The following APBB1IP variants were observed in gnomAD, a reference collection of about 807,000 sequenced individuals.
APBB1IP encodes the protein amyloid beta precursor protein binding family B member 1 interacting protein.
Under a neutral mutation model 64.9 loss-of-function variants are expected in APBB1IP, and 27 were observed. That is an observed-to-expected ratio of 0.42 (90% CI 0.31 to 0.57). The LOEUF (loss-of-function observed/expected upper bound fraction) is 0.57, where lower values mean the gene tolerates loss of function less well. Ranked by LOEUF, APBB1IP falls within the 20% of genes least tolerant of loss-of-function variation. The probability of loss-of-function intolerance (pLI) is 0.20; values close to 1 mark genes in which losing one functional copy is unlikely to be tolerated. For synonymous variants in APBB1IP, 392 were observed against 331.0 expected (o/e 1.18, Z -2.00); for missense variants, 812 against 845.5 (o/e 0.96, Z 0.49).
intron 2 of APBB1IP, among the ~76,000 whole-genome samples, chr10:26,489,870 C>T (rs139962879): frequency 1.0e-3 from 158 of 152,158 alleles, no homozygotes; most frequent in East Asian, 4.1e-3. Context: ...ACTAAAAATA[C>T]GAAAATTAGC....
intron 11 of APBB1IP, among the ~76,000 whole-genome samples, chr10:26,552,687 C>T (rs1836846687): frequency 1.3e-5 from 2 of 152,114 alleles, no homozygotes; most frequent in South Asian, 4.1e-4. Flanking sequence ...TGAATCGTCC[C>T]AGTTTACTTC....
intron 2 of APBB1IP, among the ~76,000 whole-genome samples, chr10:26,441,795 A>C (rs1431353841): frequency 6.6e-6 from 1 of 152,182 alleles, no homozygotes; most frequent in East Asian, 1.9e-4. Flanking sequence ...ATAATTAAGA[A>C]TCATAAGAGC....
rs776567921 is a variant in APBB1IP at position 26,545,769 on chromosome 10, AC to A, written c.1155+4078del. ...AGCGAGACTCCGTCTCAAAAAAAAA[AC>A]AAACAAACAAACAAAAAAAAACCAC... On this transcript the variant is annotated intron_variant, in intron 11 of 14. Transcript: ENST00000376236. Among the ~76,000 whole-genome samples, 18 of 71,988 alleles carry A rather than the reference AC, an allele frequency of 2.5e-4. 1 individual carries two copies. The highest frequency in any genetic ancestry group is 3.9e-4 in the South Asian group (1 of 2,566). 47.2% of individuals were successfully genotyped at this position (71,988 alleles called of 152,430 possible).
intron 2 of APBB1IP, among the ~76,000 whole-genome samples, chr10:26,477,678 A>G (rs1835790976): frequency 1.3e-5 from 2 of 152,212 alleles, no homozygotes; most frequent in Admixed American, 6.5e-5. Flanking sequence ...ACAAAACACA[A>G]AGGCGAATAA....
Position 26,503,215 on chromosome 10 carries a change from G to A in APBB1IP, c.472G>A (p.Ala158Thr), listed in dbSNP as rs113442503. 4.6e-3 allele frequency: 7,468 copies of A among 1,614,096 alleles called. 27 individuals carry two copies. The highest frequency in any genetic ancestry group is 5.4e-3 in the Non-Finnish European group (6,396 of 1,179,996). ...TTTCCAGGAAGAGGAAGAAGCCCAA[G>A]CCAAGGCTGATAAAATTAAGCTGGC... ...PLSQEEEEAQ[A>T]KADKIKLALE... Residue 158 changes from alanine to threonine, a missense_variant, in exon 6 of 15, where the codon GCC becomes ACC. Ala to Thr is a moderately conservative substitution (Grantham distance 58). This residue lies in a region of APBB1IP where 394 missense variants were observed against 413.1 expected (regional missense o/e 0.95). Coordinates refer to ENST00000376236, the MANE Select transcript of APBB1IP (RefSeq NM_019043.4).
chr10:26,507,775 G>A (rs956093418), intron 6 of APBB1IP, among the ~76,000 whole-genome samples: 1 of 152,216 alleles, frequency 6.6e-6, no homozygotes, highest in African/African-American at 2.4e-5. Context: ...TTCAGAAGGG[G>A]AAATGAAAAG....
chr10:26,466,324 C>A (rs550782556), intron 2 of APBB1IP, among the ~76,000 whole-genome samples: 1 of 152,274 alleles, frequency 6.6e-6, no homozygotes, highest in Non-Finnish European at 1.5e-5. Flanking sequence ...CCACAGCCAT[C>A]ACAAGGCTGG....
intron 2 of APBB1IP, among the ~76,000 whole-genome samples, chr10:26,463,279 A>C (rs1042024073): frequency 2.0e-5 from 3 of 152,092 alleles, no homozygotes; most frequent in African/African-American, 4.8e-5. Flanking sequence ...CTTTACCAAA[A>C]AATTCAAAAA....
rs537656715 is a variant in APBB1IP at position 26,444,093 on chromosome 10, G to A, written c.-1+5240G>A. On this transcript the variant is annotated intron_variant, in intron 2 of 14. Coordinates refer to ENST00000376236, the MANE Select transcript of APBB1IP (RefSeq NM_019043.4). Reference sequence around the variant, plus strand: ...AGGCTGGGCCCTTTCGTTTGCAGGAGACAATGGAGTTAACCAAGTGGCTAT... The same window carrying A: ...AGGCTGGGCCCTTTCGTTTGCAGGAAACAATGGAGTTAACCAAGTGGCTAT... Among the ~76,000 whole-genome samples the A allele has an allele frequency of 3.5e-4, 54 of 152,296 alleles. No individual in the cohort carries two copies. In the Middle Eastern group the frequency reaches 0.014, roughly 38 times the overall value.
chr10:26,518,476 T>C (rs1425967246), intron 8 of APBB1IP, among the ~76,000 whole-genome samples: 1 of 152,114 alleles, frequency 6.6e-6, no homozygotes, highest in Non-Finnish European at 1.5e-5. Flanking sequence ...ATATGTTTAG[T>C]TATAGTAGAT....
intron 14 of APBB1IP, among the ~76,000 whole-genome samples, chr10:26,565,626 C>G (rs1202080590): frequency 6.6e-6 from 1 of 152,158 alleles, no homozygotes; most frequent in African/African-American, 2.4e-5. Context: ...GTAACTGAAC[C>G]CAGGTTTGGC....
chr10:26,498,378 G>A (rs563407373), intron 4 of APBB1IP, among the ~76,000 whole-genome samples: 5 of 152,034 alleles, frequency 3.3e-5, no homozygotes, highest in South Asian at 4.2e-4. Flanking sequence ...GCAAGGTGGC[G>A]GGCACCTGTA....
intron 3 of APBB1IP, among the ~76,000 whole-genome samples, chr10:26,495,950 T>G (rs1836017232): frequency 7.3e-6 from 1 of 137,574 alleles, no homozygotes; most frequent in African/African-American, 3.0e-5. Flanking sequence ...ATATAAAATA[T>G]ATTTTATATA....
At chr10:26,446,533 G>A (rs1835400036) in intron 2 of APBB1IP, among the ~76,000 whole-genome samples, 1 of 152,152 alleles carries the variant, frequency 6.6e-6, no homozygotes, top group African/African-American at 2.4e-5. Context: ...AAAATGAACA[G>A]TACTCACTGT....
chr10:26,510,732 T>TCACACACACACA (rs1491206953), intron 6 of APBB1IP, among the ~76,000 whole-genome samples: 18 of 109,364 alleles, frequency 1.6e-4, no homozygotes, highest in African/African-American at 4.3e-4. Flanking sequence ...CAAGACCCTG[T>TCACACACACACA]CTCACACACA....
At chr10:26,560,881 A>T in intron 13 of APBB1IP, 37 bp downstream of exon 13, 9 of 1,499,898 alleles carry the variant, frequency 6.0e-6, no homozygotes, top group Non-Finnish European at 8.2e-6. Flanking sequence ...ACATATTCAA[A>T]GCTTGGTGCT....
chr10:26,461,924 A>G (rs1835597735), intron 2 of APBB1IP, among the ~76,000 whole-genome samples: 1 of 152,206 alleles, frequency 6.6e-6, no homozygotes, highest in Non-Finnish European at 1.5e-5. Flanking sequence ...TTTACTTCAC[A>G]TCAGCCACCT....
chr10:26,523,398 G>C (rs1245054506), intron 8 of APBB1IP, among the ~76,000 whole-genome samples: 2 of 152,200 alleles, frequency 1.3e-5, no homozygotes, highest in Non-Finnish European at 2.9e-5. Flanking sequence ...TTTGTGATGA[G>C]TCTTCTTCTT....
intron 2 of APBB1IP, among the ~76,000 whole-genome samples, chr10:26,445,956 A>G (rs528687845): frequency 6.6e-6 from 1 of 152,344 alleles, no homozygotes; most frequent in Admixed American, 6.5e-5. Context: ...AAATAGTAAT[A>G]TTCAGTAGAA....
Sources: allele counts gnomAD v4.1 joint callset (sites outside exome capture counted in the v4.1 genomes callset), GRCh38; gene constraint gnomAD v4.1.1; regional missense constraint gnomAD v4.1.1; transcripts MANE v1.5; gene names NCBI Gene and HGNC (gene_info 2026-07-23, HGNC 2026-07-21).